PRDM1: variants seen among roughly 807,000 people sequenced by gnomAD.
PRDM1 encodes PR domain zinc finger protein 1.
Under a neutral mutation model 62.8 loss-of-function variants are expected in PRDM1, and 13 were observed. The observed-to-expected ratio is 0.21, with a 90% CI of 0.13 to 0.33. The LOEUF is 0.33. Among genes scored for constraint, PRDM1 ranks in the 10% least tolerant of loss-of-function variants. PRDM1 has a pLI of 1.00. For missense variants in PRDM1, 895 were observed against 1,058.8 expected, an observed-to-expected ratio of 0.85 and a Z score of 2.15; for synonymous variants, 396 against 417.6, an observed-to-expected ratio of 0.95 and a Z score of 0.63.
Position 106,107,598 on chromosome 6 carries a change from A to G in PRDM1, c.*112A>G, listed in dbSNP as rs1774535236. 3.1e-6 allele frequency: 3 copies of G among 972,346 alleles called. No individual in the cohort carries two copies. The South Asian group carries it at 5.8e-5, about 19-fold the overall frequency. The allele number at this position is 972,346 out of a possible 1,614,324, so 60.2% of individuals were successfully genotyped here. On this transcript the variant is annotated 3_prime_UTR_variant, in exon 7 of 7. Coordinates refer to ENST00000369096, the MANE Select transcript of PRDM1 (RefSeq NM_001198.4). ...GCTCTGCAAAGCTCTCTCGACAGCAAATGGTTTCCCCTCACCTCTGGAATT... is the reference window on the plus strand; with the variant it reads ...GCTCTGCAAAGCTCTCTCGACAGCAGATGGTTTCCCCTCACCTCTGGAATT...
chr6:106,026,214 C>T (rs993816244), intron 1 of PRDM1, among the ~76,000 whole-genome samples: 2 of 152,190 alleles, frequency 1.3e-5, no homozygotes, highest in Non-Finnish European at 2.9e-5. Flanking sequence ...TGCAGTGACT[C>T]ACACCTGTAA....
intron 1 of PRDM1, among the ~76,000 whole-genome samples, chr6:106,064,418 G>A (rs1773394064): frequency 6.6e-6 from 1 of 151,466 alleles, no homozygotes; most frequent in South Asian, 2.1e-4. Flanking sequence ...AAACACAGGT[G>A]GATGTTTTTG....
chr6:106,099,949 T>C (rs1774221096), intron 4 of PRDM1, among the ~76,000 whole-genome samples: 1 of 152,238 alleles, frequency 6.6e-6, no homozygotes, highest in Non-Finnish European at 1.5e-5. Context: ...AGATGTACAT[T>C]TGAGTGTACA....
intron 1 of PRDM1, among the ~76,000 whole-genome samples, chr6:106,059,874 TG>T (rs763971043): frequency 1.8e-4 from 28 of 152,202 alleles, no homozygotes; most frequent in Admixed American, 1.0e-3. Context: ...AAATAACTGA[TG>T]ATTCCTAAGT....
In PRDM1 at chr6:106,028,838, C is replaced by T. The variant is rs79052002; in HGVS notation, c.-67+35199C>T. On this transcript the variant is annotated intron_variant, in intron 1 of 6. Transcript: ENST00000652320. ...CTCCAGGCCAACACTGATCTGTCTC[C>T]TGTCACTAGAAATTAGACTGTATTT... Among the ~76,000 whole-genome samples, 1,167 of 152,014 alleles carry T rather than the reference C, an allele frequency of 7.7e-3. 27 individuals are homozygous for T. Among genetic ancestry groups the T allele is most frequent in the African/African-American group, 0.027 (1,120 of 41,442 alleles).
chr6:105,998,888 TAC>T (rs1772385509), intron 1 of PRDM1, among the ~76,000 whole-genome samples: 4 of 107,944 alleles, frequency 3.7e-5, no homozygotes, highest in African/African-American at 1.5e-4. Flanking sequence ...TAAAAGTTAA[TAC>T]ATATATATAT....
intron 1 of PRDM1, among the ~76,000 whole-genome samples, chr6:106,013,039 A>G (rs1362462806): frequency 6.6e-6 from 1 of 152,010 alleles, no homozygotes; most frequent in Non-Finnish European, 1.5e-5. Context: ...AGCGCGCGCA[A>G]TCACACCTGG....
chr6:106,005,378 C>T (rs1772471152), intron 1 of PRDM1, among the ~76,000 whole-genome samples: 1 of 152,224 alleles, frequency 6.6e-6, no homozygotes, highest in African/African-American at 2.4e-5. Context: ...CAGGCCTTGG[C>T]CTTCCTCTGT....
At chr6:106,039,140 A>G (rs774718383) in intron 1 of PRDM1, among the ~76,000 whole-genome samples, 33 of 152,218 alleles carry the variant, frequency 2.2e-4, no homozygotes, top group Non-Finnish European at 3.7e-4. Context: ...CTTTATAATT[A>G]GACCATAAAC....
chr6:106,028,583 A>G (rs1321895359), intron 1 of PRDM1, among the ~76,000 whole-genome samples: 1 of 152,216 alleles, frequency 6.6e-6, no homozygotes, highest in Non-Finnish European at 1.5e-5. Context: ...AAAAAGTAAT[A>G]GGTATGTATG....
chr6:106,108,459 C>CT lies in PRDM1; in HGVS notation c.*976dup, dbSNP rs1432969958. On this transcript the variant is annotated 3_prime_UTR_variant, in exon 7 of 7. Coordinates refer to ENST00000369096, the MANE Select transcript of PRDM1 (RefSeq NM_001198.4). ...GAAAATTTCCCCAAAGCATAGGTGG[C>CT]TTTGTGTGTGTGCGATTTGGGGGCT... The CT allele has an allele frequency of 4.5e-6, 1 of 221,390 alleles. No individual in the cohort carries two copies. The highest frequency in any genetic ancestry group is 1.9e-4 in the South Asian group (1 of 5,150). The allele number at this position is 221,390 out of a possible 1,614,324, so 13.7% of individuals were successfully genotyped here. A position where few individuals can be genotyped will look rare whatever the true frequency, so the allele number is the denominator to read the frequency against.
intron 1 of PRDM1, among the ~76,000 whole-genome samples, chr6:106,073,717 T>G (rs775597554): frequency 2.0e-5 from 3 of 152,216 alleles, no homozygotes; most frequent in Non-Finnish European, 4.4e-5. Flanking sequence ...TCAGTCACTG[T>G]ACATGGAATC....
chr6:106,034,879 G>T (rs185492712), intron 1 of PRDM1, among the ~76,000 whole-genome samples: 1 of 152,066 alleles, frequency 6.6e-6, no homozygotes, highest in African/African-American at 2.4e-5. Flanking sequence ...TGATCTACCT[G>T]CCTTAGCCTC....
intron 1 of PRDM1, among the ~76,000 whole-genome samples, chr6:106,009,827 C>T (rs894941561): frequency 6.6e-6 from 1 of 152,178 alleles, no homozygotes; most frequent in African/African-American, 2.4e-5. Flanking sequence ...AAGCAATTCT[C>T]CTGCCTCAGC....
intron 3 of PRDM1, chr6:106,098,826 CGGCGAGTACA>C: frequency 6.6e-7 from 1 of 1,524,474 alleles, no homozygotes; most frequent in Admixed American, 2.0e-5. Flanking sequence ...GTGTAGGAAA[CGGCGAGTACA>C]GAGGCCATAG....
chr6:106,035,344 A>G (rs1233685716), intron 1 of PRDM1, among the ~76,000 whole-genome samples: 2 of 152,134 alleles, frequency 1.3e-5, no homozygotes, highest in East Asian at 3.8e-4. Flanking sequence ...TATTTTGGCC[A>G]GGTGTGGTGA....
At chr6:106,091,357 C>G (rs1015876703) in intron 2 of PRDM1, among the ~76,000 whole-genome samples, 1 of 152,190 alleles carries the variant, frequency 6.6e-6, no homozygotes, top group Non-Finnish European at 1.5e-5. Context: ...CCATAACATG[C>G]AATTCTCTCT....
At chr6:105,993,365 G>C (rs1772306362), upstream of PRDM1, among the ~76,000 whole-genome samples, 1 of 152,170 alleles carries the variant, frequency 6.6e-6, no homozygotes, top group African/African-American at 2.4e-5. Flanking sequence ...AGCCACCTCT[G>C]GGTAGGCAAC....
intron 1 of PRDM1, among the ~76,000 whole-genome samples, chr6:106,058,566 A>ATTTC (rs1400327078): frequency 4.6e-5 from 7 of 151,872 alleles, no homozygotes; most frequent in African/African-American, 1.7e-4. Flanking sequence ...TAGCCAGCAT[A>ATTTC]TTTCTTTCTT....
Sources: allele counts gnomAD v4.1 joint callset (sites outside exome capture counted in the v4.1 genomes callset), GRCh38; gene constraint gnomAD v4.1.1; transcripts MANE v1.5; gene names NCBI Gene and HGNC (gene_info 2026-07-23, HGNC 2026-07-21).